The following HSD17B3 variants were observed in gnomAD, a reference collection of about 807,000 sequenced individuals.
HSD17B3 encodes 17-beta-hydroxysteroid dehydrogenase type 3.
HSD17B3 carries 29 observed loss-of-function variants against 41.1 expected under a neutral mutation model. That is an observed-to-expected ratio of 0.71 (90% CI 0.53 to 0.96). The LOEUF (loss-of-function observed/expected upper bound fraction) is 0.96, where lower values mean the gene tolerates loss of function less well. Among genes scored for constraint, HSD17B3 ranks in the 40% least tolerant of loss-of-function variants. HSD17B3 has a pLI of 0.00. For missense variants in HSD17B3, 323 were observed against 374.6 expected, an observed-to-expected ratio of 0.86 and a Z score of 1.14; for synonymous variants, 126 against 145.6, an observed-to-expected ratio of 0.87 and a Z score of 0.97.
intron 2 of HSD17B3, among the ~76,000 whole-genome samples, chr9:96,260,844 TTC>T (rs1395180645): frequency 1.3e-5 from 2 of 152,158 alleles, no homozygotes; most frequent in Non-Finnish European, 2.9e-5. Flanking sequence ...ATTTCTTTGG[TTC>T]TCTCTGCTGC....
At chr9:96,241,044 A>G in intron 9 of HSD17B3, 137 bp from the exon 10 acceptor site, 1 of 1,032,982 alleles carries the variant, frequency 9.7e-7, no homozygotes, top group East Asian at 2.5e-5. Flanking sequence ...CTTGAGTGGA[A>G]AAAGGCACAG....
At chr9:96,288,936 CAAAAAA>C (rs11324337) in intron 2 of HSD17B3, among the ~76,000 whole-genome samples, 1 of 135,178 alleles carries the variant, frequency 7.4e-6, no homozygotes, top group African/African-American at 2.8e-5. Context: ...GACTCCGTCT[CAAAAAA>C]AAAAAAAAAA....
At chr9:96,247,958 T>A (rs999099882) in intron 6 of HSD17B3, among the ~76,000 whole-genome samples, 1 of 152,246 alleles carries the variant, frequency 6.6e-6, no homozygotes, top group African/African-American at 2.4e-5. Flanking sequence ...GGGCGTGGTA[T>A]ACTTAGAAGC....
At chr9:96,259,988 A>G (rs1377785748) in intron 2 of HSD17B3, among the ~76,000 whole-genome samples, 3 of 152,086 alleles carry the variant, frequency 2.0e-5, no homozygotes, top group African/African-American at 7.2e-5. Flanking sequence ...CTTGGCAGAC[A>G]CCTCCTATAC....
intron 2 of HSD17B3, among the ~76,000 whole-genome samples, chr9:96,280,319 AT>A (rs1826639853): frequency 6.6e-6 from 1 of 152,128 alleles, no homozygotes; most frequent in Non-Finnish European, 1.5e-5. Context: ...CCTGTACAAC[AT>A]TTTTTCACCA....
At chr9:96,244,528 G>A (rs372668304) in intron 8 of HSD17B3, 134 bp from the exon 9 acceptor site, 52 of 796,548 alleles carry the variant, frequency 6.5e-5, no homozygotes, top group South Asian at 5.4e-4. Context: ...CTCTGGGTAC[G>A]GAGGGTACGG....
Position 96,301,895 on chromosome 9 carries a change from T to C in HSD17B3, c.154+56A>G, listed in dbSNP as rs1344552707. The C allele has an allele frequency of 7.7e-6, 12 of 1,561,022 alleles. No homozygotes were observed. In the Admixed American group the frequency reaches 1.3e-4, roughly 18 times the overall value. On this transcript the variant is annotated intron_variant, in intron 1 of 10. Coordinates refer to ENST00000375263, the MANE Select transcript of HSD17B3 (RefSeq NM_000197.2). ...GTGTCTGTCTCAAAAATAATAATAA[T>C]AGTAACAAGCAGGAACAACAGCAGC...
intron 2 of HSD17B3, among the ~76,000 whole-genome samples, chr9:96,283,021 T>A (rs796078269): frequency 4.2e-5 from 5 of 120,260 alleles, no homozygotes; most frequent in African/African-American, 1.4e-4. Context: ...TTTTTTTTTT[T>A]AGAGATGGAG....
At chr9:96,251,259 GT>G in intron 5 of HSD17B3, 158 bp downstream of exon 5, 1 of 643,262 alleles carries the variant, frequency 1.6e-6, no homozygotes, top group Admixed American at 2.5e-5. Context: ...TGTGGATCGA[GT>G]GCTAAGGTGA....
intron 2 of HSD17B3, among the ~76,000 whole-genome samples, chr9:96,272,603 G>T (rs193204873): frequency 7.8e-4 from 117 of 150,522 alleles, no homozygotes; most frequent in Non-Finnish European, 2.1e-4. Context: ...GGGGAAAATG[G>T]ATCATTCATA....
At chr9:96,244,610 T>C (rs373197999) in intron 8 of HSD17B3, among the ~76,000 whole-genome samples, 35 of 151,752 alleles carry the variant, frequency 2.3e-4, no homozygotes, top group Middle Eastern at 3.4e-3. Context: ...CTAACAATCA[T>C]AGACAACATA....
intron 2 of HSD17B3, among the ~76,000 whole-genome samples, chr9:96,277,062 G>A (rs756848333): frequency 2.0e-5 from 3 of 152,046 alleles, no homozygotes; most frequent in Non-Finnish European, 2.9e-5. Flanking sequence ...TTAGCTGGGC[G>A]TGGTGGCAGG....
At chr9:96,256,404 C>G (rs1825661235) in intron 2 of HSD17B3, 1 of 152,092 alleles carries the variant, frequency 6.6e-6, no homozygotes, top group Admixed American at 6.6e-5. Flanking sequence ...GAGGCCAAGG[C>G]AGGCAGACCA....
chr9:96,270,269 C>CACAG (rs1554698816), intron 2 of HSD17B3, among the ~76,000 whole-genome samples: 1 of 150,768 alleles, frequency 6.6e-6, no homozygotes, highest in African/African-American at 2.4e-5. Context: ...CACACACACA[C>CACAG]AGAGAGAGAG....
rs1281018756 is a variant in HSD17B3, at chr9:96,245,332, T to C, written c.606+13A>G. Reference sequence around the variant, plus strand: ...GAAGAAGGAAGAGACTTGGAAGTCATGACATCACTCACCTTGGAAGCTGAG... The same window carrying C: ...GAAGAAGGAAGAGACTTGGAAGTCACGACATCACTCACCTTGGAAGCTGAG... On this transcript the variant is annotated intron_variant, in intron 8 of 10. Coordinates refer to ENST00000375263, the MANE Select transcript of HSD17B3 (RefSeq NM_000197.2). The C allele has an allele frequency of 2.5e-6, 4 of 1,594,698 alleles. No individual in the cohort carries two copies. In the African/African-American group the frequency reaches 4.0e-5, roughly 16 times the overall value.
chr9:96,246,270 C>A (rs899928737), intron 7 of HSD17B3, among the ~76,000 whole-genome samples: 1 of 152,178 alleles, frequency 6.6e-6, no homozygotes, highest in Non-Finnish European at 1.5e-5. Flanking sequence ...CTTTTACACT[C>A]AACATTAGTT....
intron 2 of HSD17B3, among the ~76,000 whole-genome samples, chr9:96,295,365 A>ACTCTTGTCCC (rs1213173408): frequency 1.4e-5 from 2 of 143,198 alleles, no homozygotes; most frequent in Non-Finnish European, 3.0e-5. Context: ...ACGAAGTCTC[A>ACTCTTGTCCC]CTCTTGTCCC....
chr9:96,271,732 T>TTTGTTGTTG (rs201039147), intron 2 of HSD17B3, among the ~76,000 whole-genome samples: 1 of 152,134 alleles, frequency 6.6e-6, no homozygotes, highest in East Asian at 1.9e-4. Flanking sequence ...TATTGGGTTT[T>TTTGTTGTTG]TTGTTGTTGT....
intron 2 of HSD17B3, among the ~76,000 whole-genome samples, chr9:96,282,086 G>A (rs1298705534): frequency 6.6e-6 from 1 of 152,186 alleles, no homozygotes; most frequent in Non-Finnish European, 1.5e-5. Context: ...ACACCTGTAA[G>A]CCCGCTTTTC....
Sources: gnomAD v4.1 joint callset for allele counts (sites outside exome capture counted in the v4.1 genomes callset) on GRCh38, gnomAD v4.1.1 for gene constraint, MANE v1.5 for transcripts, NCBI Gene and HGNC (gene_info 2026-07-23, HGNC 2026-07-21) for gene names.